The following SYNE1 variants were observed in gnomAD, a reference collection of about 807,000 sequenced individuals.
SYNE1 encodes nesprin-1.
Under a neutral mutation model 1,111.0 loss-of-function variants are expected in SYNE1, and 616 were observed. The ratio of observed to expected loss-of-function variants is 0.55; its 90% CI spans 0.52 to 0.59. SYNE1 has a LOEUF of 0.59. Among genes scored for constraint, SYNE1 ranks in the 20% least tolerant of loss-of-function variants. SYNE1 has a pLI of 0.00. For missense variants in SYNE1, 10,006 were observed against 10,417.0 expected, an observed-to-expected ratio of 0.96 and a Z score of 1.72; for synonymous variants, 3,855 against 3,825.8, an observed-to-expected ratio of 1.01 and a Z score of -0.28.
chr6:152,422,057 G>T (rs1390598382), intron 39 of SYNE1, among the ~76,000 whole-genome samples: 1 of 152,072 alleles, frequency 6.6e-6, no homozygotes, highest in Non-Finnish European at 1.5e-5. Context: ...ACTAAACTTT[G>T]GGAGAAATAA....
At chr6:152,195,407 C>T (rs549166401) in intron 127 of SYNE1, among the ~76,000 whole-genome samples, 2 of 152,120 alleles carry the variant, frequency 1.3e-5, no homozygotes, top group Non-Finnish European at 1.5e-5. Context: ...TAGTTGTAGT[C>T]GGGACTTGTT....
Position 152,350,211 on chromosome 6 carries a change from G to T in SYNE1, c.11858C>A (p.Thr3953Lys). ...CTGGGTGATTGTCTCCAGGCTGCTT[G>T]TCTCCAGGAGGTCAGGTGCCACCAG... ...GRLVAPDLLE[T>K]SSLETITQQL... Residue 3953 changes from threonine to lysine, a missense_variant, in exon 72 of 146, where the codon ACA becomes AAA. Thr to Lys is a moderately conservative substitution (Grantham distance 78). This residue lies in a region of SYNE1 where 4,955 missense variants were observed against 5,017.2 expected (regional missense o/e 0.99). Transcript: ENST00000367255. 2 of 1,613,958 alleles carry T rather than the reference G, an allele frequency of 1.2e-6. No homozygotes were observed. The highest frequency in any genetic ancestry group is 8.5e-7 in the Non-Finnish European group (1 of 1,180,034).
intron 104 of SYNE1, 27 bp downstream of exon 104, chr6:152,254,853 C>T (rs757595795): frequency 2.4e-5 from 38 of 1,595,970 alleles, no homozygotes; most frequent in East Asian, 1.1e-4. Context: ...AGAATGGTCA[C>T]GTATCCTTTG....
At chr6:152,617,223 T>G (rs1164161943) in intron 3 of SYNE1, among the ~76,000 whole-genome samples, 1 of 152,186 alleles carries the variant, frequency 6.6e-6, no homozygotes. Flanking sequence ...TAGGGACTTG[T>G]GCTTTTTAAA....
Position 152,242,257 on chromosome 6 carries a change from G to T in SYNE1, c.19876C>A (p.Leu6626Ile). 6.2e-7 allele frequency: 1 copy of T among 1,613,974 alleles called. No homozygotes were observed. The highest frequency in any genetic ancestry group is 1.3e-5 in the African/African-American group (1 of 74,986). ...IVSSKEEIQQ[L>I]LDKHKEYFQG... is the part of the protein sequence containing the mutation. ...TTATGTACCTTATGTTTGTCAAGTAGTTGCTGGATTTCCTCTTTGGAAGAC... is the reference window on the plus strand; with the variant it reads ...TTATGTACCTTATGTTTGTCAAGTATTTGCTGGATTTCCTCTTTGGAAGAC... The change falls in exon 107 of 146, where the codon CTA (leucine) becomes ATA (isoleucine). Residue 6626 changes from leucine to isoleucine, a missense_variant. Around this residue, in one of 7 missense-constraint regions of SYNE1, gnomAD observed 2,182 missense variants for 2,287.8 expected, o/e 0.95. Transcript: ENST00000367255.
At chr6:152,614,144 A>T (rs1325804147) in intron 3 of SYNE1, among the ~76,000 whole-genome samples, 2 of 152,214 alleles carry the variant, frequency 1.3e-5, no homozygotes, top group Admixed American at 6.5e-5. Context: ...ATGGGATCTA[A>T]TTAAACTAAA....
intron 87 of SYNE1, among the ~76,000 whole-genome samples, chr6:152,312,026 C>T (rs1271767920): frequency 8.5e-5 from 13 of 152,260 alleles, no homozygotes; most frequent in South Asian, 2.1e-4. Flanking sequence ...CCTCGTGATC[C>T]GCAGGCCTTG....
chr6:152,553,576 G>A (rs1307155463), intron 3 of SYNE1, among the ~76,000 whole-genome samples: 5 of 152,188 alleles, frequency 3.3e-5, no homozygotes, highest in East Asian at 1.9e-4. Context: ...CATCTTGACC[G>A]CCTATCTCCA....
intron 11 of SYNE1, among the ~76,000 whole-genome samples, chr6:152,494,767 T>C (rs945466894): frequency 2.6e-5 from 4 of 152,180 alleles, no homozygotes; most frequent in African/African-American, 4.8e-5. Flanking sequence ...TCAAGGCTGC[T>C]TTACTTCCAA....
At chr6:152,540,461 A>G (rs1453463355) in intron 3 of SYNE1, among the ~76,000 whole-genome samples, 1 of 152,240 alleles carries the variant, frequency 6.6e-6, no homozygotes, top group Non-Finnish European at 1.5e-5. Context: ...AAAGGGTTAC[A>G]CAGTAATGCA....
At chr6:152,354,560 G>A (rs1470016566) in intron 67 of SYNE1, 99 bp downstream of exon 67, 1 of 1,463,656 alleles carries the variant, frequency 6.8e-7, no homozygotes, top group Non-Finnish European at 9.5e-7. Flanking sequence ...ATTTTGCAAA[G>A]CCTAAGCTTT....
intron 101 of SYNE1, 147 bp from the exon 102 acceptor site, chr6:152,256,912 G>A: frequency 7.9e-7 from 1 of 1,271,868 alleles, no homozygotes; most frequent in African/African-American, 1.5e-5. Flanking sequence ...AACATACCAT[G>A]TCCACTGAAC....
At chr6:152,271,709 A>C (rs1271563354) in intron 98 of SYNE1, among the ~76,000 whole-genome samples, 1 of 152,242 alleles carries the variant, frequency 6.6e-6, no homozygotes, top group South Asian at 2.1e-4. Context: ...TCTTCCAAGC[A>C]AAGTTGAAAC....
chr6:152,445,804 G>T (rs538139506), intron 29 of SYNE1, among the ~76,000 whole-genome samples: 1 of 152,048 alleles, frequency 6.6e-6, no homozygotes, highest in East Asian at 1.9e-4. Flanking sequence ...AAAGAAAGGG[G>T]CTGAATGTGC....
rs541407341 is a variant in SYNE1 at position 152,346,278 on chromosome 6, T to C, written c.12078+781A>G. Among the ~76,000 whole-genome samples the C allele has an allele frequency of 4.6e-5, 7 of 152,186 alleles. No individual in the cohort carries two copies. The South Asian group carries it at 1.2e-3, about 27-fold the overall frequency. On this transcript the variant is annotated intron_variant, in intron 73 of 145. Coordinates refer to ENST00000367255, the MANE Select transcript of SYNE1 (RefSeq NM_182961.4). The stretch of plus-strand genomic sequence containing the variant: ...GCCTCCCACGTTCAAGCGATTCTGC[T>C]GCCTCAGCCTCCGGAGTAGCGGGGA...
At position 152,593,366 on chromosome 6, in the gene SYNE1, C is replaced by T. The variant is rs138090499; in HGVS notation, c.67+34899G>A. On this transcript the variant is annotated intron_variant, in intron 3 of 145. Transcript: ENST00000367255. ...TTGGGAGGCTGAGGTGGGCGGATCA[C>T]GAGGTCAGTAGATTGAGACCATCCT... Among the ~76,000 whole-genome samples, 437 of 152,204 alleles carry T rather than the reference C, an allele frequency of 2.9e-3. 3 individuals carry two copies. Among genetic ancestry groups the T allele is most frequent in the African/African-American group, 9.6e-3 (398 of 41,566 alleles).
chr6:152,153,855 T>C (rs1013727929), intron 133 of SYNE1, among the ~76,000 whole-genome samples: 2 of 152,254 alleles, frequency 1.3e-5, no homozygotes, highest in African/African-American at 4.8e-5. Flanking sequence ...TCTAGATTCA[T>C]ATAGCTGTCC....
At chr6:152,550,999 T>G (rs1419291789) in intron 3 of SYNE1, among the ~76,000 whole-genome samples, 1 of 152,188 alleles carries the variant, frequency 6.6e-6, no homozygotes, top group Admixed American at 6.5e-5. Flanking sequence ...CAGCACAGCT[T>G]ATTGTGGCAC....
intron 138 of SYNE1, 96 bp downstream of exon 138, chr6:152,143,527 G>A: frequency 6.4e-7 from 1 of 1,564,948 alleles, no homozygotes. Context: ...ATGGTATTCA[G>A]AGACCACATA....
Sources: gnomAD v4.1 joint callset for allele counts (sites outside exome capture counted in the v4.1 genomes callset) on GRCh38, gnomAD v4.1.1 for gene constraint, gnomAD v4.1.1 regional missense constraint, MANE v1.5 for transcripts, NCBI Gene and HGNC (gene_info 2026-07-23, HGNC 2026-07-21) for gene names.